Variants in CHD6 observed in about 807,000 individuals in gnomAD.
CHD6 encodes the protein ATP-dependent chromatin remodeler CHD6.
In CHD6, 50 loss-of-function variants were observed where a neutral mutation model predicts 276.9. The ratio of observed to expected loss-of-function variants is 0.18; its 90% confidence interval spans 0.14 to 0.23. CHD6 has a LOEUF of 0.23. CHD6 is among the 10% of genes least tolerant of loss of function. CHD6 has a pLI of 1.00. For missense variants in CHD6, 2,564 were observed against 3,365.8 expected (o/e 0.76, Z 5.89); for synonymous variants, 1,173 against 1,229.3 (o/e 0.95, Z 0.96).
chr20:41,457,683 CT>C (rs2048417676), intron 17 of CHD6, among the ~76,000 whole-genome samples: 1 of 152,228 alleles, frequency 6.6e-6, no homozygotes, highest in Non-Finnish European at 1.5e-5. Context: ...GTGTCCCATC[CT>C]GTGCCCCCGC....
rs2046610752 is a variant in CHD6, at chr20:41,404,429, C to T, written c.*164G>A. Reference sequence around the variant, plus strand: ...ACTTATCTAATGAAGTGGTGAGACCCTGCAACTATTAACATCTGTTACCAT... The same window carrying T: ...ACTTATCTAATGAAGTGGTGAGACCTTGCAACTATTAACATCTGTTACCAT... On this transcript the variant is annotated 3_prime_UTR_variant, in exon 37 of 37. Coordinates refer to ENST00000373233, the MANE Select transcript of CHD6 (RefSeq NM_032221.5). The T allele has an allele frequency of 1.5e-6, 2 of 1,325,584 alleles. No homozygotes were observed. The highest frequency in any genetic ancestry group is 3.5e-5 in the Admixed American group (1 of 28,390). The allele number at this position is 1,325,584 out of a possible 1,614,324, so 82.1% of individuals were successfully genotyped here. A position where few individuals can be genotyped will look rare whatever the true frequency, so the allele number is the denominator to read the frequency against.
chr20:41,483,633 G>T, intron 15 of CHD6, 114 bp from the exon 16 acceptor site: 1 of 733,972 alleles, frequency 1.4e-6, no homozygotes, highest in Non-Finnish European at 2.2e-6. Flanking sequence ...TAGACCAGCA[G>T]TCCAGTGAGG....
At chr20:41,553,336 C>A (rs6102461) in intron 1 of CHD6, among the ~76,000 whole-genome samples, 56,823 of 152,104 alleles carry the variant, frequency 0.37, 13,477 homozygotes, top group African/African-American at 0.65. Context: ...TTAAAGACTA[C>A]CTTTCTTCAA....
chr20:41,617,266 T>C (rs2045942142), intron 1 of CHD6, among the ~76,000 whole-genome samples: 1 of 152,098 alleles, frequency 6.6e-6, no homozygotes, highest in African/African-American at 2.4e-5. Flanking sequence ...TAAACCCTAA[T>C]TTGGAGAACA....
chr20:41,413,675 CCCACG>C, intron 34 of CHD6, 160 bp from the exon 35 acceptor site: 1 of 541,498 alleles, frequency 1.8e-6, no homozygotes, highest in Non-Finnish European at 3.2e-6. Context: ...ACACCACTGA[CCCACG>C]CCCACATAAG....
chr20:41,499,046 G>A (rs534316565), intron 6 of CHD6, among the ~76,000 whole-genome samples: 1 of 152,004 alleles, frequency 6.6e-6, no homozygotes, highest in South Asian at 2.1e-4. Context: ...AGCAACTAAG[G>A]GATATATGGC....
chr20:41,434,720 T>C (rs1258202918), intron 27 of CHD6, among the ~76,000 whole-genome samples: 1 of 152,144 alleles, frequency 6.6e-6, no homozygotes, highest in African/African-American at 2.4e-5. Flanking sequence ...GCAAAATATA[T>C]GAAGCAAAAA....
intron 5 of CHD6, among the ~76,000 whole-genome samples, chr20:41,509,249 A>G (rs1420376986): frequency 6.6e-6 from 1 of 152,194 alleles, no homozygotes; most frequent in Non-Finnish European, 1.5e-5. Context: ...ATTATCAAAC[A>G]GAAGATGGAA....
chr20:41,514,681 T>C (rs1355911322), intron 4 of CHD6, 124 bp downstream of exon 4: 10 of 1,133,360 alleles, frequency 8.8e-6, no homozygotes, highest in Non-Finnish European at 1.2e-5. Flanking sequence ...ACCAAAACGG[T>C]AAAAGCCCAG....
rs898708106 is a variant in CHD6 at position 41,523,256 on chromosome 20, G to A, written c.555-8304C>T. 5.3e-5 allele frequency among the ~76,000 whole-genome samples: 8 copies of A among 152,086 alleles called. No homozygotes were observed. The East Asian group carries it at 1.4e-3, about 26-fold the overall frequency. ...CCAAGAGAGTTCTGAATAATACAAA[G>A]GCCTAATACTCCCACCAATTAATGG... On this transcript the variant is annotated intron_variant, in intron 3 of 36. Coordinates refer to ENST00000373233, the MANE Select transcript of CHD6 (RefSeq NM_032221.5).
chr20:41,418,974 C>CTCA (rs1397564228), intron 31 of CHD6, among the ~76,000 whole-genome samples: 2 of 152,228 alleles, frequency 1.3e-5, no homozygotes, highest in African/African-American at 4.8e-5. Flanking sequence ...TTACCTTGTA[C>CTCA]TCACTTGATT....
intron 24 of CHD6, among the ~76,000 whole-genome samples, chr20:41,447,658 A>C (rs2048111955): frequency 6.6e-6 from 1 of 152,186 alleles, no homozygotes; most frequent in Non-Finnish European, 1.5e-5. Flanking sequence ...AACTCACCAA[A>C]AGCTAGGTTT....
chr20:41,451,215 G>T, intron 22 of CHD6, 110 bp from the exon 23 acceptor site: 1 of 927,472 alleles, frequency 1.1e-6, no homozygotes, highest in Non-Finnish European at 1.7e-6. Flanking sequence ...GCTGTGCTCT[G>T]GATGGCAGAC....
chr20:41,417,829 T>TA lies in CHD6; in HGVS notation c.6128-481dup, dbSNP rs927904415. Among the ~76,000 whole-genome samples, 6 of 152,292 alleles carry TA rather than the reference T, an allele frequency of 3.9e-5. No homozygotes were observed. The East Asian group carries it at 9.6e-4, about 24-fold the overall frequency. ...AAAGGTAAGACAGACCTGATTCATG[T>TA]AAAAAAAGATGCCAAGAAACTCAGA... On this transcript the variant is annotated intron_variant, in intron 31 of 36. Coordinates refer to ENST00000373233, the MANE Select transcript of CHD6 (RefSeq NM_032221.5).
intron 1 of CHD6, among the ~76,000 whole-genome samples, chr20:41,565,236 C>G (rs2045342941): frequency 6.6e-6 from 1 of 152,016 alleles, no homozygotes; most frequent in Non-Finnish European, 1.5e-5. Flanking sequence ...GCTGGGATTA[C>G]AGGTGCCTGC....
chr20:41,532,899 A>G, intron 3 of CHD6, 151 bp downstream of exon 3: 1 of 803,418 alleles, frequency 1.2e-6, no homozygotes, highest in Non-Finnish European at 1.8e-6. Flanking sequence ...CCAAGGGGTT[A>G]CCCCTGCTCC....
chr20:41,483,746 TAG>T (rs1439490063), intron 15 of CHD6, among the ~76,000 whole-genome samples: 1 of 152,012 alleles, frequency 6.6e-6, no homozygotes, highest in Non-Finnish European at 1.5e-5. Context: ...TCTCACCAAG[TAG>T]AGAGAGGATC....
Position 41,447,896 on chromosome 20 carries a change from T to A in CHD6, c.3759A>T (p.Glu1253Asp). The A allele has an allele frequency of 1.9e-6, 3 of 1,610,358 alleles. No homozygotes were observed. Among genetic ancestry groups the A allele is most frequent in the Non-Finnish European group, 2.5e-6 (3 of 1,177,796 alleles). The change falls in exon 24 of 37, where the codon GAA (glutamate) becomes GAT (aspartate). Residue 1253 changes from glutamate to aspartate, a missense_variant. Glu to Asp is a conservative substitution (Grantham distance 45). This residue lies in a region of CHD6 where 515 missense variants were observed against 739.5 expected (regional missense o/e 0.70). Transcript: ENST00000373233. ...ILGEAAEKAF[E>D]GSPARELDVP... is the part of the protein sequence containing the mutation. ...ATTTGCTTTACCTGGCAGGAGATCCTTCAAATGCTTTCTCAGCTGCTTCTC... is the reference window on the plus strand; with the variant it reads ...ATTTGCTTTACCTGGCAGGAGATCCATCAAATGCTTTCTCAGCTGCTTCTC...
In CHD6 at chr20:41,605,813, T is replaced by C. The variant is rs2045821549; in HGVS notation, c.-24+12527A>G. ...TTTCATTCCTAAAGAAGATTCTATT[T>C]AATAACAAAAAGGAAAGAAGTGAAA... On this transcript the variant is annotated intron_variant, in intron 1 of 36. Coordinates refer to ENST00000373233, the MANE Select transcript of CHD6 (RefSeq NM_032221.5). 2.0e-5 allele frequency among the ~76,000 whole-genome samples: 3 copies of C among 152,190 alleles called. No individual in the cohort carries two copies. In the South Asian group the frequency reaches 6.2e-4, roughly 32 times the overall value.
Sources: allele counts gnomAD v4.1 joint callset (sites outside exome capture counted in the v4.1 genomes callset), GRCh38; gene constraint gnomAD v4.1.1; regional missense constraint gnomAD v4.1.1; transcripts MANE v1.5; gene names NCBI Gene and HGNC (gene_info 2026-07-23, HGNC 2026-07-21).